The following IFNLR1 variants were observed in gnomAD, a reference collection of about 807,000 sequenced individuals.
IFNLR1 encodes interferon lambda receptor 1.
Under a neutral mutation model 52.5 loss-of-function variants are expected in IFNLR1, and 28 were observed. The ratio of observed to expected loss-of-function variants is 0.53; its 90% CI spans 0.40 to 0.73. IFNLR1 has a LOEUF of 0.73. Among genes scored for constraint, IFNLR1 ranks in the 30% least tolerant of loss-of-function variants. The probability of loss-of-function intolerance (pLI) is 0.00; values close to 1 mark genes in which losing one functional copy is unlikely to be tolerated. For synonymous variants in IFNLR1, 276 were observed against 274.9 expected, an observed-to-expected ratio of 1.00 and a Z score of -0.04; for missense variants, 623 against 659.1, an observed-to-expected ratio of 0.95 and a Z score of 0.60.
Position 24,157,125 on chromosome 1 carries a change from A to G in IFNLR1, c.*5T>C. The G allele has an allele frequency of 6.3e-7, 1 of 1,598,696 alleles. No homozygotes were observed. Among genetic ancestry groups the G allele is most frequent in the South Asian group, 1.1e-5 (1 of 88,140 alleles). The stretch of plus-strand genomic sequence containing the variant: ...ATCAGATTCGGTGGGATGTCGGGGG[A>G]CAGCTCACCTGGCCATGTAATGCCC... On this transcript the variant is annotated 3_prime_UTR_variant, in exon 7 of 7. Coordinates refer to ENST00000327535, the MANE Select transcript of IFNLR1 (RefSeq NM_170743.4). This position sits in a 1 kb window ranked among gnomAD's most constrained non-coding sequence, Gnocchi z 5.1.
chr1:24,165,637 C>T (rs997957177), intron 3 of IFNLR1, among the ~76,000 whole-genome samples: 2 of 152,186 alleles, frequency 1.3e-5, no homozygotes, highest in Non-Finnish European at 2.9e-5. Context: ...AACTAAAATG[C>T]CACTTCTTCC....
chr1:24,176,447 T>C (rs1210958791), intron 2 of IFNLR1, among the ~76,000 whole-genome samples: 1 of 152,258 alleles, frequency 6.6e-6, no homozygotes, highest in African/African-American at 2.4e-5. Flanking sequence ...ACTCATCAAA[T>C]TGTATACTTT....
At chr1:24,184,467 C>G (rs888977842) in intron 1 of IFNLR1, among the ~76,000 whole-genome samples, 4 of 152,268 alleles carry the variant, frequency 2.6e-5, no homozygotes, top group African/African-American at 9.6e-5. Context: ...CCCTGCCTGA[C>G]GTGGCCTGGC....
chr1:24,173,463 AC>A (rs1358498440), intron 2 of IFNLR1, among the ~76,000 whole-genome samples: 7 of 152,320 alleles, frequency 4.6e-5, no homozygotes, highest in African/African-American at 1.7e-4. Flanking sequence ...ACATGGAGTA[AC>A]TAGAACTCTC....
In IFNLR1 at chr1:24,187,286, C is replaced by T; in HGVS notation, c.-38G>A. The T allele has an allele frequency of 8.2e-7, 1 of 1,225,232 alleles. No homozygotes were observed. Among genetic ancestry groups the T allele is most frequent in the Non-Finnish European group, 1.0e-6 (1 of 972,598 alleles). The allele number at this position is 1,225,232 out of a possible 1,614,324, so 75.9% of individuals were successfully genotyped here. A position where few individuals can be genotyped will look rare whatever the true frequency, so the allele number is the denominator to read the frequency against. On this transcript the variant is annotated 5_prime_UTR_variant, in exon 1 of 7. Coordinates refer to ENST00000327535, the MANE Select transcript of IFNLR1 (RefSeq NM_170743.4). ...GCGGCGTCCCCGCCCGGGCCCAGGT[C>T]CCCGCCTCCCGCCTCCCGCCTCCCG...
chr1:24,179,775 C>A lies in IFNLR1; in HGVS notation c.182+956G>T, dbSNP rs570292626. The stretch of plus-strand genomic sequence containing the variant: ...CCTTAGCACTTGGCCTGGCACAGGA[C>A]GGGTCCTGAGGACACGGTGGTCCCC... On this transcript the variant is annotated intron_variant, in intron 2 of 6. Coordinates refer to ENST00000327535, the MANE Select transcript of IFNLR1 (RefSeq NM_170743.4). Among the ~76,000 whole-genome samples, 8 of 152,282 alleles carry A rather than the reference C, an allele frequency of 5.3e-5. No homozygotes were observed. The East Asian group carries it at 1.5e-3, about 29-fold the overall frequency.
At chr1:24,161,337 G>C (rs1644440856) in intron 4 of IFNLR1, 1 of 627,652 alleles carries the variant, frequency 1.6e-6, no homozygotes, top group Non-Finnish European at 2.9e-6. Flanking sequence ...TTTCTGTACT[G>C]AATCTGTTGA....
intron 3 of IFNLR1, among the ~76,000 whole-genome samples, chr1:24,163,586 C>CTT (rs60156095): frequency 2.0e-5 from 3 of 149,196 alleles, no homozygotes; most frequent in Admixed American, 6.6e-5. Flanking sequence ...TTTCTTTTTT[C>CTT]TTTTTTTTTT....
intron 2 of IFNLR1, among the ~76,000 whole-genome samples, chr1:24,173,475 A>C (rs1644601893): frequency 6.6e-6 from 1 of 152,194 alleles, no homozygotes; most frequent in Non-Finnish European, 1.5e-5. Flanking sequence ...TAGAACTCTC[A>C]TGTATTGTTG....
intron 2 of IFNLR1, among the ~76,000 whole-genome samples, chr1:24,179,993 A>G (rs1288214041): frequency 6.6e-6 from 1 of 152,190 alleles, no homozygotes; most frequent in Non-Finnish European, 1.5e-5. Flanking sequence ...GAATGATCCC[A>G]TCGGGAAAAG....
intron 3 of IFNLR1, among the ~76,000 whole-genome samples, chr1:24,164,953 G>T (rs1313526701): frequency 6.6e-6 from 1 of 152,068 alleles, no homozygotes; most frequent in Non-Finnish European, 1.5e-5. Context: ...AGTAGAGACG[G>T]AGTTTCCCCA....
At chr1:24,175,311 C>T (rs1644620972) in intron 2 of IFNLR1, among the ~76,000 whole-genome samples, 2 of 152,374 alleles carry the variant, frequency 1.3e-5, no homozygotes, top group Non-Finnish European at 2.9e-5. Context: ...GGGGATAGGG[C>T]TGCCGCCCCA....
At chr1:24,186,284 C>T (rs1010899169) in intron 1 of IFNLR1, among the ~76,000 whole-genome samples, 1 of 152,172 alleles carries the variant, frequency 6.6e-6, no homozygotes, top group Non-Finnish European at 1.5e-5. Context: ...TTTAGCCCCT[C>T]TTCTCTCTTC....
Position 24,166,653 on chromosome 1 carries a change from C to G in IFNLR1, c.367+2764G>C, listed in dbSNP as rs553641003. ...CCTTGACCTCCTGGGCTCAAGTCAT[C>G]CTCCTACCTTGGCCTCCCAGATAGC... On this transcript the variant is annotated intron_variant, in intron 3 of 6. Transcript: ENST00000327535. Among the ~76,000 whole-genome samples, 5 of 152,260 alleles carry G rather than the reference C, an allele frequency of 3.3e-5. No homozygotes were observed. In the South Asian group the frequency reaches 1.0e-3, roughly 32 times the overall value.
At chr1:24,161,459 G>T in intron 4 of IFNLR1, 83 bp downstream of exon 4, 1 of 1,478,072 alleles carries the variant, frequency 6.8e-7, no homozygotes, top group Non-Finnish European at 9.3e-7. Context: ...GGGTGCAGGA[G>T]CAGGCTGGGA....
At chr1:24,184,514 A>T (rs1366479003) in intron 1 of IFNLR1, among the ~76,000 whole-genome samples, 1 of 151,898 alleles carries the variant, frequency 6.6e-6, no homozygotes, top group African/African-American at 2.4e-5. Flanking sequence ...TCTCTCCCCA[A>T]CAGCTACCCT....
intron 2 of IFNLR1, among the ~76,000 whole-genome samples, chr1:24,175,361 T>G (rs901371679): frequency 1.3e-5 from 2 of 152,260 alleles, no homozygotes; most frequent in African/African-American, 4.8e-5. Flanking sequence ...AAGAGGGCTA[T>G]TCTTGAAACT....
chr1:24,159,894 A>C (rs1279651828), intron 4 of IFNLR1, among the ~76,000 whole-genome samples: 1 of 151,868 alleles, frequency 6.6e-6, no homozygotes, highest in African/African-American at 2.4e-5. Flanking sequence ...ACAGATCCAC[A>C]CCACCATACC....
At chr1:24,177,588 C>T (rs923271212) in intron 2 of IFNLR1, among the ~76,000 whole-genome samples, 2 of 152,184 alleles carry the variant, frequency 1.3e-5, no homozygotes, top group Non-Finnish European at 2.9e-5. Context: ...GGGTTGTGCC[C>T]ACCCACACTG....
Sources: gnomAD v4.1 joint callset for allele counts (sites outside exome capture counted in the v4.1 genomes callset) on GRCh38, gnomAD v4.1.1 for gene constraint, Gnocchi (gnomAD v3.1) non-coding constraint, MANE v1.5 for transcripts, NCBI Gene and HGNC (gene_info 2026-07-23, HGNC 2026-07-21) for gene names.